RIMKLB: variants seen among roughly 807,000 people sequenced by gnomAD.
RIMKLB encodes the protein beta-citrylglutamate synthase B.
In RIMKLB, 7 loss-of-function variants were observed where a neutral mutation model predicts 32.0. The observed-to-expected ratio is 0.22, with a 90% CI of 0.12 to 0.41. The LOEUF (loss-of-function observed/expected upper bound fraction) is 0.41, where lower values mean the gene tolerates loss of function less well. Among genes scored for constraint, RIMKLB ranks in the 10% least tolerant of loss-of-function variants. The pLI is 1.00. For missense variants in RIMKLB, 289 were observed against 498.7 expected (o/e 0.58, Z 4.00); for synonymous variants, 172 against 185.1 (o/e 0.93, Z 0.57).
intron 5 of RIMKLB, among the ~76,000 whole-genome samples, chr12:8,759,498 A>G (rs1354373537): frequency 6.6e-6 from 1 of 152,106 alleles, no homozygotes; most frequent in Non-Finnish European, 1.5e-5. Flanking sequence ...TCTTATGGCT[A>G]TTTTAATTTG....
chr12:8,746,924 G>C (rs939449011), intron 2 of RIMKLB, among the ~76,000 whole-genome samples: 5 of 151,978 alleles, frequency 3.3e-5, no homozygotes, highest in African/African-American at 1.2e-4. Context: ...AAGTTTTTTT[G>C]TAGAGACGTG....
chr12:8,773,918 G>C lies in RIMKLB; in HGVS notation c.*134G>C. ...GAAAATTAGTAGGATTAGTTGGAGA[G>C]AGTGGGAGATAGATGAGACCTCTGC... On this transcript the variant is annotated 3_prime_UTR_variant, in exon 6 of 6. Coordinates refer to ENST00000535829, the MANE Select transcript of RIMKLB (RefSeq NM_001297776.2). 7.0e-7 allele frequency: 1 copy of C among 1,438,838 alleles called. No individual in the cohort carries two copies. Among genetic ancestry groups the C allele is most frequent in the African/African-American group, 1.4e-5 (1 of 69,882 alleles). The allele number at this position is 1,438,838 out of a possible 1,614,324, so 89.1% of individuals were successfully genotyped here. A position where few individuals can be genotyped will look rare whatever the true frequency, so the allele number is the denominator to read the frequency against.
chr12:8,771,973 C>T (rs1950445234), intron 5 of RIMKLB, among the ~76,000 whole-genome samples: 1 of 152,170 alleles, frequency 6.6e-6, no homozygotes, highest in East Asian at 1.9e-4. Flanking sequence ...ACAGCAACTT[C>T]CACCTCCTGG....
chr12:8,764,642 G>T (rs773303981), intron 5 of RIMKLB, among the ~76,000 whole-genome samples: 1 of 152,234 alleles, frequency 6.6e-6, no homozygotes, highest in Middle Eastern at 3.4e-3. Flanking sequence ...GCTCTGTGAG[G>T]TCGATGGCAT....
the RIMKLB span, among the ~76,000 whole-genome samples, chr12:8,676,194 C>T: frequency 6.6e-6 from 1 of 151,358 alleles, no homozygotes; most frequent in Non-Finnish European, 1.5e-5. Context: ...CACCTCAGCT[C>T]TCCCAGTAGC....
chr12:8,701,898 G>A (rs1050608144), intron 1 of RIMKLB, among the ~76,000 whole-genome samples: 7 of 141,484 alleles, frequency 4.9e-5, no homozygotes, highest in Non-Finnish European at 9.7e-5. Flanking sequence ...TCAGCTACTC[G>A]GGGGGGCTGA....
At chr12:8,687,820 GAAAAAAAAAAAA>G (rs752174507) in intron 1 of RIMKLB, among the ~76,000 whole-genome samples, 6 of 72,928 alleles carry the variant, frequency 8.2e-5, no homozygotes, top group Non-Finnish European at 1.5e-4. Context: ...AAGTCAGGAA[GAAAAAAAAAAAA>G]AAAAAAAAAG....
intron 2 of RIMKLB, among the ~76,000 whole-genome samples, chr12:8,716,997 T>G (rs1471405185): frequency 6.6e-6 from 1 of 151,578 alleles, no homozygotes; most frequent in Non-Finnish European, 1.5e-5. Context: ...AATTTAAAAA[T>G]TTTTCAGACT....
Position 8,774,348 on chromosome 12 carries a change from T to A in RIMKLB, c.*564T>A, listed in dbSNP as rs750132834. On this transcript the variant is annotated 3_prime_UTR_variant, in exon 6 of 6. Coordinates refer to ENST00000535829, the MANE Select transcript of RIMKLB (RefSeq NM_001297776.2). ...TTCTTATTTTTTTGTTTTTTCCCGC[T>A]TAATTTGGTGGGAGGTCAAATTGAA... 5.8e-5 allele frequency: 57 copies of A among 985,904 alleles called. No homozygotes were observed. Among genetic ancestry groups the A allele is most frequent in the Admixed American group, 1.2e-4 (2 of 16,298 alleles). 61.1% of individuals were successfully genotyped at this position (985,904 alleles called of 1,614,324 possible).
downstream of RIMKLB, chr12:8,777,702 G>T (rs1950816714): frequency 2.3e-6 from 3 of 1,285,326 alleles, no homozygotes; most frequent in Non-Finnish European, 3.0e-6. Flanking sequence ...AACTTTCGGG[G>T]TCAGTGCCCT....
intron 2 of RIMKLB, among the ~76,000 whole-genome samples, chr12:8,745,786 G>T (rs1407494875): frequency 2.7e-5 from 4 of 147,950 alleles, no homozygotes; most frequent in Admixed American, 2.0e-4. Context: ...CCTCTGCCTC[G>T]TAGGTACAAG....
intron 2 of RIMKLB, among the ~76,000 whole-genome samples, chr12:8,734,777 A>G (rs1261160424): frequency 6.6e-6 from 1 of 152,020 alleles, no homozygotes; most frequent in African/African-American, 2.4e-5. Context: ...TTGTATTCCA[A>G]ATTATTTTAT....
intron 5 of RIMKLB, among the ~76,000 whole-genome samples, chr12:8,765,696 C>T (rs1205410915): frequency 1.3e-5 from 2 of 152,120 alleles, no homozygotes; most frequent in Non-Finnish European, 2.9e-5. Context: ...GAAATATTGG[C>T]ACTCTTTGGT....
downstream of RIMKLB, chr12:8,777,252 A>G: frequency 2.1e-6 from 2 of 973,382 alleles, no homozygotes; most frequent in Non-Finnish European, 1.2e-6. Flanking sequence ...TTCTTAAAAA[A>G]ACAAAACAAA....
chr12:8,781,996 T>C (rs908490622), downstream of RIMKLB, among the ~76,000 whole-genome samples: 5 of 151,558 alleles, frequency 3.3e-5, no homozygotes, highest in East Asian at 3.9e-4. Context: ...ATGGTTCTTA[T>C]CTTATTTCAG....
Position 8,775,069 on chromosome 12 carries a change from CT to C in RIMKLB, c.*1291del. On this transcript the variant is annotated 3_prime_UTR_variant, in exon 6 of 6. Coordinates refer to ENST00000535829, the MANE Select transcript of RIMKLB (RefSeq NM_001297776.2). The stretch of plus-strand genomic sequence containing the variant: ...CCTTAAAACATAGGGTGAGTAGATG[CT>C]TTTTTAGGCCTTTTTGTGTATATGT... The C allele has an allele frequency of 5.1e-6, 5 of 985,532 alleles. No homozygotes were observed. Among genetic ancestry groups the C allele is most frequent in the Non-Finnish European group, 6.0e-6 (5 of 829,810 alleles). 61.0% of individuals were successfully genotyped at this position (985,532 alleles called of 1,614,324 possible). A position where few individuals can be genotyped will look rare whatever the true frequency, so the allele number is the denominator to read the frequency against.
At chr12:8,672,310 T>A in the RIMKLB span, among the ~76,000 whole-genome samples, 1 of 152,222 alleles carries the variant, frequency 6.6e-6, no homozygotes, top group African/African-American at 2.4e-5. Flanking sequence ...CCAAATTTGC[T>A]TCCACATTTT....
intron 5 of RIMKLB, 139 bp from the exon 6 acceptor site, chr12:8,773,182 G>A: frequency 3.2e-6 from 2 of 629,454 alleles, no homozygotes; most frequent in Non-Finnish European, 2.8e-6. Flanking sequence ...TCTAGACTTA[G>A]AAGTCCTAAT....
rs541185413 is a variant in RIMKLB, at chr12:8,730,321, G to A, written c.175+16280G>A. Among the ~76,000 whole-genome samples, 168 of 152,208 alleles carry A rather than the reference G, an allele frequency of 1.1e-3. 1 individual carries two copies. Among genetic ancestry groups the A allele is most frequent in the Admixed American group, 1.8e-3 (27 of 15,286 alleles). ...GCCCAAGCTGGTTTTGAATTGCTGG[G>A]CTCAGGCAGTCCTGCCTCAGCCTCC... On this transcript the variant is annotated intron_variant, in intron 2 of 5. Coordinates refer to ENST00000535829, the MANE Select transcript of RIMKLB (RefSeq NM_001297776.2).
Sources: allele counts gnomAD v4.1 joint callset (sites outside exome capture counted in the v4.1 genomes callset), GRCh38; gene constraint gnomAD v4.1.1; transcripts MANE v1.5; gene names NCBI Gene and HGNC (gene_info 2026-07-23, HGNC 2026-07-21).